Variants in NOX4 observed in about 807,000 individuals in gnomAD.
NOX4 encodes kidney oxidase-1.
In NOX4, 69 loss-of-function variants were observed where a neutral mutation model predicts 87.6. That is an observed-to-expected ratio of 0.79 (90% CI 0.65 to 0.96). The LOEUF is 0.96. NOX4 is among the 40% of genes least tolerant of loss of function. The pLI is 0.00. For missense variants in NOX4, 680 were observed against 681.5 expected, an observed-to-expected ratio of 1.00 and a Z score of 0.02; for synonymous variants, 275 against 238.2, an observed-to-expected ratio of 1.15 and a Z score of -1.42.
chr11:89,376,314 G>GA (rs1182201788), intron 11 of NOX4, among the ~76,000 whole-genome samples: 10 of 152,296 alleles, frequency 6.6e-5, no homozygotes, highest in African/African-American at 2.4e-4. Flanking sequence ...TATGTGGTTT[G>GA]AAAACGTGAA....
chr11:89,527,158 G>T, the NOX4 span, among the ~76,000 whole-genome samples: 1 of 152,256 alleles, frequency 6.6e-6, no homozygotes, highest in Non-Finnish European at 1.5e-5. Flanking sequence ...TGAGAGAGAT[G>T]ATTTAGGGTA....
At chr11:89,339,149 T>C (rs185858977) in intron 15 of NOX4, among the ~76,000 whole-genome samples, 7 of 152,244 alleles carry the variant, frequency 4.6e-5, no homozygotes, top group East Asian at 1.9e-4. Flanking sequence ...ATGATATCCA[T>C]TTCAGCATTC....
intron 11 of NOX4, among the ~76,000 whole-genome samples, chr11:89,382,703 C>G (rs1360938278): frequency 6.6e-6 from 1 of 152,018 alleles, no homozygotes; most frequent in Non-Finnish European, 1.5e-5. Context: ...GACTCCACTC[C>G]CCCACCCTAT....
chr11:89,572,098 T>C, the NOX4 span, among the ~76,000 whole-genome samples: 4 of 152,196 alleles, frequency 2.6e-5, no homozygotes, highest in African/African-American at 4.8e-5. Flanking sequence ...TATTAATTGA[T>C]GTCTCATGTC....
intron 2 of NOX4, among the ~76,000 whole-genome samples, chr11:89,453,740 T>C (rs2135394460): frequency 6.6e-6 from 1 of 152,232 alleles, no homozygotes; most frequent in East Asian, 1.9e-4. Flanking sequence ...AGTTAAGAAT[T>C]TACCCAACAT....
the NOX4 span, among the ~76,000 whole-genome samples, chr11:89,537,701 G>C: frequency 2.0e-5 from 3 of 151,778 alleles, no homozygotes; most frequent in African/African-American, 7.3e-5. Context: ...AAAAAAAATC[G>C]ATCACATATT....
At chr11:89,383,908 T>C (rs988943919) in intron 11 of NOX4, among the ~76,000 whole-genome samples, 5 of 152,078 alleles carry the variant, frequency 3.3e-5, no homozygotes, top group African/African-American at 1.2e-4. Flanking sequence ...CCTTGGGGAC[T>C]GATCATGCAC....
At chr11:89,408,465 T>C (rs192934466) in intron 8 of NOX4, among the ~76,000 whole-genome samples, 14 of 152,326 alleles carry the variant, frequency 9.2e-5, no homozygotes, top group African/African-American at 2.9e-4. Flanking sequence ...TAAAGTCTAC[T>C]TGCTAGGTGC....
At chr11:89,561,934 C>CAT in the NOX4 span, among the ~76,000 whole-genome samples, 1 of 152,142 alleles carries the variant, frequency 6.6e-6, no homozygotes, top group East Asian at 1.9e-4. Context: ...AGAGATCATA[C>CAT]ATGAATATGC....
chr11:89,546,118 T>C, the NOX4 span, among the ~76,000 whole-genome samples: 2 of 152,222 alleles, frequency 1.3e-5, no homozygotes, highest in Non-Finnish European at 2.9e-5. Context: ...ACTAGTTCTT[T>C]ATTTCATTTC....
At chr11:89,327,369 G>T (rs2135355015) in intron 17 of NOX4, among the ~76,000 whole-genome samples, 1 of 152,200 alleles carries the variant, frequency 6.6e-6, no homozygotes, top group Middle Eastern at 3.4e-3. Flanking sequence ...AAAGAAAAAA[G>T]ATATTACCAA....
upstream of NOX4, among the ~76,000 whole-genome samples, chr11:89,492,674 T>C (rs1156998739): frequency 6.6e-6 from 1 of 152,170 alleles, no homozygotes; most frequent in Non-Finnish European, 1.5e-5. Flanking sequence ...AGCATATTGT[T>C]TATAAATAAT....
chr11:89,341,018 C>T (rs895397210), intron 14 of NOX4, among the ~76,000 whole-genome samples: 1 of 151,494 alleles, frequency 6.6e-6, no homozygotes, highest in Non-Finnish European at 1.5e-5. Context: ...TTTCTACTTT[C>T]ATTTTGCTTT....
intron 11 of NOX4, among the ~76,000 whole-genome samples, chr11:89,378,555 T>C (rs1349062710): frequency 6.6e-6 from 1 of 152,162 alleles, no homozygotes; most frequent in Non-Finnish European, 1.5e-5. Context: ...TCTAAATCAG[T>C]ATTATATATT....
chr11:89,486,082 C>A (rs990712130), intron 2 of NOX4, among the ~76,000 whole-genome samples: 6 of 151,594 alleles, frequency 4.0e-5, no homozygotes, highest in African/African-American at 1.5e-4. Flanking sequence ...TCTATCAATT[C>A]GTATGTATTT....
chr11:89,530,824 TAA>T, the NOX4 span, among the ~76,000 whole-genome samples: 1 of 151,992 alleles, frequency 6.6e-6, no homozygotes, highest in African/African-American at 2.4e-5. Flanking sequence ...GAGAAATAAA[TAA>T]AAGTAAGGGA....
Position 89,371,328 on chromosome 11 carries a change from C to T in NOX4, c.1135+2104G>A, listed in dbSNP as rs115196458. Among the ~76,000 whole-genome samples the T allele has an allele frequency of 3.1e-3, 477 of 152,018 alleles. 4 individuals carry two copies. Among genetic ancestry groups the T allele is most frequent in the African/African-American group, 0.011 (456 of 41,540 alleles). ...TGAAAAGCATCTGACTAGAACTGAA[C>T]TCTGAATAGAATGATCTTGTTTCTC... is the stretch of plus-strand genomic sequence containing the variant. On this transcript the variant is annotated intron_variant, in intron 12 of 17. Transcript: ENST00000263317.
chr11:89,445,114 A>T (rs1944636338), intron 4 of NOX4, among the ~76,000 whole-genome samples: 1 of 152,134 alleles, frequency 6.6e-6, no homozygotes, highest in Admixed American at 6.6e-5. Flanking sequence ...TCTTGGCCAT[A>T]TTATTTGCCT....
Position 89,372,973 on chromosome 11 carries a change from G to GA in NOX4, c.1135+458dup, listed in dbSNP as rs369214687. 4.2e-4 allele frequency among the ~76,000 whole-genome samples: 64 copies of GA among 151,986 alleles called. No homozygotes were observed. The East Asian group carries it at 0.011, about 27-fold the overall frequency. Reference sequence around the variant, plus strand: ...AAAGTATCACCAACAGGCCTGCTGTGAAAAATATCTATTCCAAAGTTACTG... The same window carrying GA: ...AAAGTATCACCAACAGGCCTGCTGTGAAAAAATATCTATTCCAAAGTTACTG... On this transcript the variant is annotated intron_variant, in intron 12 of 17. Coordinates refer to ENST00000263317, the MANE Select transcript of NOX4 (RefSeq NM_016931.5).
Sources: gnomAD v4.1 joint callset for allele counts (sites outside exome capture counted in the v4.1 genomes callset) on GRCh38, gnomAD v4.1.1 for gene constraint, MANE v1.5 for transcripts, NCBI Gene and HGNC (gene_info 2026-07-23, HGNC 2026-07-21) for gene names.